The following FARP1 variants were observed in gnomAD, a reference collection of about 807,000 sequenced individuals.
The protein encoded by FARP1 is FERM, ARHGEF and pleckstrin domain-containing protein 1.
A neutral mutation model predicts 128.8 loss-of-function variants in FARP1; 52 were observed. That is an observed-to-expected ratio of 0.40 (90% CI 0.32 to 0.51). FARP1 has a LOEUF of 0.51. Among genes scored for constraint, FARP1 ranks in the 20% least tolerant of loss-of-function variants. The probability of loss-of-function intolerance (pLI) is 0.45; values close to 1 mark genes in which losing one functional copy is unlikely to be tolerated. For missense variants in FARP1, 1,333 were observed against 1,367.9 expected, an observed-to-expected ratio of 0.97 and a Z score of 0.40; for synonymous variants, 580 against 551.8, an observed-to-expected ratio of 1.05 and a Z score of -0.72.
intron 1 of FARP1, among the ~76,000 whole-genome samples, chr13:98,163,674 C>T (rs1377114297): frequency 6.6e-6 from 1 of 151,126 alleles, no homozygotes; most frequent in Non-Finnish European, 1.5e-5. Flanking sequence ...ATGGTATCAT[C>T]CAGTGGTGGC....
At chr13:98,200,198 A>G (rs1323895689) in intron 1 of FARP1, among the ~76,000 whole-genome samples, 1 of 152,220 alleles carries the variant, frequency 6.6e-6, no homozygotes, top group Non-Finnish European at 1.5e-5. Flanking sequence ...CCTTTGGCAC[A>G]TGTGCAAAAC....
intron 11 of FARP1, among the ~76,000 whole-genome samples, chr13:98,392,350 A>AAAAAAAAAAAAAAAC (rs1890342853): frequency 8.3e-6 from 1 of 120,860 alleles, no homozygotes; most frequent in Admixed American, 8.4e-5. Flanking sequence ...AAAAAAAAAA[A>AAAAAAAAAAAAAAAC]TTAGCTGGAT....
intron 3 of FARP1, among the ~76,000 whole-genome samples, chr13:98,363,042 C>T (rs369140820): frequency 2.6e-5 from 4 of 152,364 alleles, no homozygotes; most frequent in African/African-American, 9.6e-5. Flanking sequence ...TGCATCCATT[C>T]TTGCTCCTTC....
intron 25 of FARP1, 133 bp from the exon 26 acceptor site, chr13:98,446,533 G>C: frequency 1.1e-6 from 1 of 877,562 alleles, no homozygotes; most frequent in Non-Finnish European, 1.8e-6. Flanking sequence ...TGGCTGCCAT[G>C]GTCCCTTCCA....
intron 13 of FARP1, chr13:98,399,672 A>G (rs1381690430): frequency 6.6e-6 from 1 of 152,190 alleles, no homozygotes; most frequent in African/African-American, 2.4e-5. Flanking sequence ...AGGCCTTCAG[A>G]TACCAGCCAC....
chr13:98,329,321 C>T (rs1454565983), intron 2 of FARP1: 1 of 152,148 alleles, frequency 6.6e-6, no homozygotes, highest in East Asian at 1.9e-4. Flanking sequence ...GCATTTATGG[C>T]TTTTTGCAGA....
At chr13:98,225,767 C>T (rs1314515464) in intron 2 of FARP1, among the ~76,000 whole-genome samples, 2 of 152,216 alleles carry the variant, frequency 1.3e-5, no homozygotes, top group African/African-American at 2.4e-5. Flanking sequence ...AGTTGCCTTG[C>T]TTAGCTTCCA....
chr13:98,354,460 A>G (rs1051166538), intron 3 of FARP1, among the ~76,000 whole-genome samples: 4 of 152,234 alleles, frequency 2.6e-5, no homozygotes, highest in African/African-American at 9.6e-5. Context: ...CAGATCACCA[A>G]TAAGGACGTT....
chr13:98,292,194 T>G (rs1440042461), intron 2 of FARP1, among the ~76,000 whole-genome samples: 27 of 152,240 alleles, frequency 1.8e-4, no homozygotes, highest in Admixed American at 1.8e-3. Context: ...ATTTAAAAAG[T>G]ACCCATTTAT....
chr13:98,413,085 G>A (rs927185535), intron 16 of FARP1, among the ~76,000 whole-genome samples: 2 of 152,186 alleles, frequency 1.3e-5, no homozygotes, highest in African/African-American at 4.8e-5. Flanking sequence ...TCTGTGTTGT[G>A]AAGCCAATAT....
intron 1 of FARP1, among the ~76,000 whole-genome samples, chr13:98,154,711 G>A (rs1427211280): frequency 3.9e-5 from 6 of 152,144 alleles, no homozygotes; most frequent in Admixed American, 1.3e-4. Flanking sequence ...TAAAATTACC[G>A]AAGCAACTGC....
intron 2 of FARP1, among the ~76,000 whole-genome samples, chr13:98,306,935 C>G (rs1279075060): frequency 1.3e-5 from 2 of 152,216 alleles, no homozygotes; most frequent in Non-Finnish European, 2.9e-5. Context: ...GGGCTTGGGC[C>G]ATGTCATTCT....
chr13:98,289,122 C>G (rs147098796), intron 2 of FARP1, among the ~76,000 whole-genome samples: 57 of 152,298 alleles, frequency 3.7e-4, no homozygotes, highest in African/African-American at 1.3e-3. Flanking sequence ...TCAAAATGTA[C>G]TTTTGGGCTG....
intron 2 of FARP1, among the ~76,000 whole-genome samples, chr13:98,311,881 T>C (rs1886476481): frequency 6.6e-6 from 1 of 151,540 alleles, no homozygotes; most frequent in Non-Finnish European, 1.5e-5. Flanking sequence ...TCTCGCTCTG[T>C]CACCCAGGCT....
intron 2 of FARP1, among the ~76,000 whole-genome samples, chr13:98,317,850 A>T (rs1886790773): frequency 6.6e-6 from 1 of 151,996 alleles, no homozygotes; most frequent in African/African-American, 2.4e-5. Flanking sequence ...GCAGAGAGAG[A>T]GCAAGCAAAC....
At chr13:98,174,172 C>T (rs753136543) in intron 1 of FARP1, among the ~76,000 whole-genome samples, 59 of 152,318 alleles carry the variant, frequency 3.9e-4, no homozygotes, top group African/African-American at 1.4e-3. Flanking sequence ...AATTCGGCAA[C>T]GCTTACTAGT....
chr13:98,218,023 C>T (rs1170147799), intron 2 of FARP1, among the ~76,000 whole-genome samples: 1 of 152,126 alleles, frequency 6.6e-6, no homozygotes, highest in Non-Finnish European at 1.5e-5. Context: ...TCAACTTACC[C>T]ATCTTCTGGG....
intron 22 of FARP1, 24 bp downstream of exon 22, chr13:98,440,067 C>G (rs886638249): frequency 1.9e-6 from 3 of 1,608,828 alleles, no homozygotes; most frequent in Admixed American, 3.3e-5. Context: ...CCGCCCCTTG[C>G]CTGTTTCCCC....
chr13:98,154,668 C>G (rs1876372070), intron 1 of FARP1, among the ~76,000 whole-genome samples: 1 of 151,552 alleles, frequency 6.6e-6, no homozygotes, highest in African/African-American at 2.4e-5. Flanking sequence ...TGTTAATTCT[C>G]TATGTGAATA....
Sources: allele counts gnomAD v4.1 joint callset (sites outside exome capture counted in the v4.1 genomes callset), GRCh38; gene constraint gnomAD v4.1.1; transcripts MANE v1.5; gene names NCBI Gene and HGNC (gene_info 2026-07-23, HGNC 2026-07-21).